Variants in DYNC2I1 observed in about 807,000 individuals in gnomAD.
DYNC2I1 encodes cytoplasmic dynein 2 intermediate chain 1.
In DYNC2I1, 89 loss-of-function variants were observed where a neutral mutation model predicts 133.4. That is an observed-to-expected ratio of 0.67 (90% CI 0.56 to 0.80). The LOEUF is 0.80. DYNC2I1 is among the 30% of genes least tolerant of loss of function. The pLI, the probability that DYNC2I1 is intolerant of heterozygous loss-of-function variation, is 0.00. For synonymous variants in DYNC2I1, 504 were observed against 484.3 expected, an observed-to-expected ratio of 1.04 and a Z score of -0.54; for missense variants, 1,291 against 1,314.5, an observed-to-expected ratio of 0.98 and a Z score of 0.28.
At chr7:158,906,183 T>C in intron 11 of DYNC2I1, 92 bp downstream of exon 11, 1 of 1,097,392 alleles carries the variant, frequency 9.1e-7, no homozygotes. Context: ...TTAAAATGCA[T>C]TTTTACTACT....
intron 10 of DYNC2I1, chr7:158,903,786 G>A (rs540373586): frequency 5.9e-5 from 9 of 152,314 alleles, no homozygotes; most frequent in African/African-American, 9.6e-5. Context: ...TTGCTGAGAC[G>A]CGAGCAGGAT....
In DYNC2I1 at chr7:158,887,053, A is replaced by G; in HGVS notation, c.968A>G (p.Lys323Arg). The G allele has an allele frequency of 1.2e-6, 2 of 1,613,980 alleles. No homozygotes were observed. Among genetic ancestry groups the G allele is most frequent in the South Asian group, 2.2e-5 (2 of 91,070 alleles). The part of the protein sequence containing the change: ...HAENLVRNHG[K>R]DKDSRRKHGH... The stretch of plus-strand genomic sequence containing the variant: ...GAGAATTTAGTAAGGAATCATGGAA[A>G]AGATAAAGATTCAAGACGGAAGGTA... Residue 323 changes from lysine (K) to arginine (R), a missense_variant, in exon 7 of 25, where the codon AAA becomes AGA. Coordinates refer to ENST00000407559, the MANE Select transcript of DYNC2I1 (RefSeq NM_018051.5).
At chr7:158,839,916 G>A in the DYNC2I1 span, among the ~76,000 whole-genome samples, 1 of 152,084 alleles carries the variant, frequency 6.6e-6, no homozygotes, top group Non-Finnish European at 1.5e-5. Flanking sequence ...AGCCTCTTGG[G>A]TTGATCCTCT....
intron 14 of DYNC2I1, among the ~76,000 whole-genome samples, chr7:158,915,381 ACG>A: frequency 8.7e-6 from 1 of 114,444 alleles, no homozygotes; most frequent in African/African-American, 3.0e-5. Flanking sequence ...TGATTGTGAA[ACG>A]TCGACATGCT....
chr7:158,867,018 GTTTTTTTTT>G (rs35720744), intron 1 of DYNC2I1, among the ~76,000 whole-genome samples: 1 of 121,166 alleles, frequency 8.3e-6, no homozygotes, highest in African/African-American at 3.0e-5. Flanking sequence ...GACTAAATCT[GTTTTTTTTT>G]TTTTTTTTTG....
chr7:158,926,369 C>A (rs1375847901), intron 18 of DYNC2I1, 33 bp from the exon 19 acceptor site: 1 of 1,604,956 alleles, frequency 6.2e-7, no homozygotes, highest in East Asian at 2.2e-5. Flanking sequence ...TTATTTAAAG[C>A]CATTTCTTTC....
the DYNC2I1 span, among the ~76,000 whole-genome samples, chr7:158,844,500 C>A: frequency 6.6e-6 from 1 of 151,990 alleles, no homozygotes; most frequent in Non-Finnish European, 1.5e-5. Flanking sequence ...TGTGAGACTT[C>A]ATTTAGTGCT....
rs748669204 is a variant in DYNC2I1, at chr7:158,918,786, G to C, written c.1838G>C (p.Ser613Thr). The C allele has an allele frequency of 1.9e-6, 3 of 1,613,758 alleles. No individual in the cohort carries two copies. Among genetic ancestry groups the C allele is most frequent in the African/African-American group, 1.3e-5 (1 of 74,928 alleles). The change falls in exon 15 of 25, where the codon AGC becomes ACC. Residue 613 changes from serine to threonine, a missense_variant. Physicochemically the swap from Ser to Thr is moderately conservative, Grantham distance 58 (BLOSUM62 1). Transcript: ENST00000407559. ...LEEDRLAAEP[S>T]WNLRAQDRAL... is the part of the protein sequence containing the mutation. ...GAGGATCGCTTGGCAGCTGAACCCA[G>C]CTGGAATCTTAGGGCTCAAGACAGG...
upstream of DYNC2I1, among the ~76,000 whole-genome samples, chr7:158,852,599 C>T (rs1261590000): frequency 5.3e-5 from 8 of 151,618 alleles, no homozygotes; most frequent in African/African-American, 7.3e-5. Flanking sequence ...ATTAGCCAGG[C>T]GTGGTGGGAG....
downstream of DYNC2I1, among the ~76,000 whole-genome samples, chr7:158,948,401 T>C (rs1267462949): frequency 2.6e-5 from 4 of 152,262 alleles, no homozygotes; most frequent in African/African-American, 9.6e-5. Flanking sequence ...TAGAAAACAC[T>C]TTTCTTTCAA....
chr7:158,858,454 G>T (rs1841523732), intron 1 of DYNC2I1, among the ~76,000 whole-genome samples: 1 of 152,088 alleles, frequency 6.6e-6, no homozygotes, highest in East Asian at 1.9e-4. Flanking sequence ...TTCAGTTAAT[G>T]TACCACAATG....
At chr7:158,915,820 GGAT>G (rs1240373390) in intron 14 of DYNC2I1, among the ~76,000 whole-genome samples, 1 of 147,830 alleles carries the variant, frequency 6.8e-6, no homozygotes, top group Admixed American at 6.7e-5. Flanking sequence ...TTGACATTAA[GGAT>G]GATTGTGAAA....
chr7:158,839,831 AGAGAT>A, the DYNC2I1 span, among the ~76,000 whole-genome samples: 2,368 of 149,656 alleles, frequency 0.016, 69 homozygotes, highest in African/African-American at 0.055. Context: ...AAAAAAAAAA[AGAGAT>A]GAGGTCTCGC....
In DYNC2I1 at chr7:158,888,262, A is replaced by G. The variant is rs1379279119; in HGVS notation, c.990+1187A>G. Among the ~76,000 whole-genome samples, 3 of 151,840 alleles carry G rather than the reference A, an allele frequency of 2.0e-5. No individual in the cohort carries two copies. The East Asian group carries it at 5.8e-4, about 30-fold the overall frequency. On this transcript the variant is annotated intron_variant, in intron 7 of 24. Coordinates refer to ENST00000407559, the MANE Select transcript of DYNC2I1 (RefSeq NM_018051.5). ...CTGGTCTGGAACTCCTGACCACATG[A>G]TCTGCCGACCTCGGCCTCCCAAAGT... is the stretch of plus-strand genomic sequence containing the variant.
upstream of DYNC2I1, among the ~76,000 whole-genome samples, chr7:158,852,224 C>A (rs1216285925): frequency 1.3e-5 from 2 of 151,842 alleles, no homozygotes; most frequent in Non-Finnish European, 1.5e-5. Context: ...TGGTTTCAAG[C>A]GATTCTCCTG....
chr7:158,932,382 G>T (rs1850304839), intron 21 of DYNC2I1, among the ~76,000 whole-genome samples: 2 of 152,188 alleles, frequency 1.3e-5, no homozygotes, highest in Non-Finnish European at 1.5e-5. Context: ...ACCTGGGGGT[G>T]CCCAGAGGCA....
chr7:158,913,555 C>T (rs1004267463), intron 13 of DYNC2I1, among the ~76,000 whole-genome samples: 1 of 152,090 alleles, frequency 6.6e-6, no homozygotes, highest in African/African-American at 2.4e-5. Flanking sequence ...TACTCTGGAG[C>T]GATTTACATG....
chr7:158,941,399 AT>A (rs1335011369), intron 23 of DYNC2I1, among the ~76,000 whole-genome samples: 5 of 152,176 alleles, frequency 3.3e-5, no homozygotes, highest in African/African-American at 1.2e-4. Context: ...GAATCTGTTG[AT>A]TATTGGCCAT....
At chr7:158,871,064 T>C in intron 2 of DYNC2I1, 78 bp from the exon 3 acceptor site, 2 of 1,473,610 alleles carry the variant, frequency 1.4e-6, no homozygotes, top group Non-Finnish European at 1.8e-6. Context: ...CTGTGTGTGC[T>C]TCTCACATTC....
Sources: allele counts gnomAD v4.1 joint callset (sites outside exome capture counted in the v4.1 genomes callset), GRCh38; gene constraint gnomAD v4.1.1; transcripts MANE v1.5; gene names NCBI Gene and HGNC (gene_info 2026-07-23, HGNC 2026-07-21).